The following DCT variants were observed in gnomAD, a reference collection of about 807,000 sequenced individuals.
DCT encodes the protein L-dopachrome tautomerase.
In DCT, 47 loss-of-function variants were observed where a neutral mutation model predicts 53.0. The observed-to-expected ratio is 0.89, with a 90% CI of 0.70 to 1.13. The LOEUF is 1.13. Ranked by LOEUF, DCT falls within the 50% of genes most tolerant of loss-of-function variation. DCT has a pLI of 0.00. For synonymous variants in DCT, 244 were observed against 237.0 expected, an observed-to-expected ratio of 1.03 and a Z score of -0.27; for missense variants, 669 against 637.4, an observed-to-expected ratio of 1.05 and a Z score of -0.53.
At chr13:94,509,177 A>C in the DCT span, among the ~76,000 whole-genome samples, 1 of 152,232 alleles carries the variant, frequency 6.6e-6, no homozygotes, top group Non-Finnish European at 1.5e-5. Flanking sequence ...TCAGTCTTTC[A>C]GAGCTGAGAG....
chr13:94,470,124 A>G (rs1184978128), intron 1 of DCT, among the ~76,000 whole-genome samples: 1 of 152,158 alleles, frequency 6.6e-6, no homozygotes, highest in Non-Finnish European at 1.5e-5. Context: ...AGAGAGAGAG[A>G]AAGAAAGAAA....
At chr13:94,478,788 G>C (rs1314090096) in intron 1 of DCT, among the ~76,000 whole-genome samples, 173 bp downstream of exon 1, 1 of 152,252 alleles carries the variant, frequency 6.6e-6, no homozygotes, top group Non-Finnish European at 1.5e-5. Flanking sequence ...TAGAGGGTGT[G>C]AAGAATAAAC....
At chr13:94,527,669 A>C in the DCT span, among the ~76,000 whole-genome samples, 3 of 152,242 alleles carry the variant, frequency 2.0e-5, no homozygotes, top group Non-Finnish European at 4.4e-5. Flanking sequence ...ATAAAAGCAC[A>C]AAGATGGGGA....
At chr13:94,503,791 A>G in the DCT span, among the ~76,000 whole-genome samples, 1 of 152,208 alleles carries the variant, frequency 6.6e-6, no homozygotes, top group Non-Finnish European at 1.5e-5. Context: ...AAGCCACTCA[A>G]TTTATGGTAA....
At chr13:94,471,526 G>A (rs1225398868) in intron 1 of DCT, among the ~76,000 whole-genome samples, 4 of 152,044 alleles carry the variant, frequency 2.6e-5, no homozygotes, top group South Asian at 2.1e-4. Context: ...TTTATGAAGC[G>A]GCTACTATCT....
the DCT span, among the ~76,000 whole-genome samples, chr13:94,544,196 T>C: frequency 6.6e-6 from 1 of 152,228 alleles, no homozygotes; most frequent in Non-Finnish European, 1.5e-5. Context: ...TTTTTATTTA[T>C]TTGTATTCAA....
chr13:94,463,794 A>C (rs1594302683), intron 4 of DCT, among the ~76,000 whole-genome samples: 2 of 152,320 alleles, frequency 1.3e-5, no homozygotes, highest in East Asian at 1.9e-4. Flanking sequence ...GAATATAATC[A>C]GCACATCCAC....
the DCT span, among the ~76,000 whole-genome samples, chr13:94,547,448 C>T: frequency 1.3e-5 from 2 of 151,940 alleles, no homozygotes; most frequent in African/African-American, 4.8e-5. Flanking sequence ...CTTTCACTCC[C>T]GCTGTAAAAC....
intron 4 of DCT, 184 bp downstream of exon 4, chr13:94,465,449 T>TC (rs1401291779): frequency 4.3e-5 from 18 of 417,094 alleles, no homozygotes; most frequent in Non-Finnish European, 7.5e-5. Context: ...TTTTGATATT[T>TC]TTTTTTTAAT....
At chr13:94,477,672 T>A (rs182429235) in intron 1 of DCT, among the ~76,000 whole-genome samples, 1 of 129,384 alleles carries the variant, frequency 7.7e-6, no homozygotes, top group African/African-American at 3.0e-5. Flanking sequence ...AAAAAAAAAA[T>A]CGAATGTCAT....
chr13:94,541,099 AGATAGAGAGTAGACT>A, the DCT span, among the ~76,000 whole-genome samples: 1 of 152,184 alleles, frequency 6.6e-6, no homozygotes, highest in Non-Finnish European at 1.5e-5. Context: ...GATGTTATGG[AGATAGAGAGTAGACT>A]GATGGTTTCC....
chr13:94,451,195 G>A (rs1883061180), intron 6 of DCT, among the ~76,000 whole-genome samples: 1 of 152,118 alleles, frequency 6.6e-6, no homozygotes, highest in Admixed American at 6.5e-5. Context: ...CTGTGTACCT[G>A]CTATTTAAAA....
At chr13:94,518,141 GGAAGGAAGGAAGGAAT>G in the DCT span, among the ~76,000 whole-genome samples, 30 of 131,914 alleles carry the variant, frequency 2.3e-4, no homozygotes, top group African/African-American at 8.9e-4. Flanking sequence ...AAGGAAGGAA[GGAAGGAAGGAAGGAAT>G]GAAGGAAGGA....
At chr13:94,491,148 C>T in the DCT span, among the ~76,000 whole-genome samples, 1 of 152,146 alleles carries the variant, frequency 6.6e-6, no homozygotes, top group Non-Finnish European at 1.5e-5. Flanking sequence ...CAGAGTAAAG[C>T]TTCCACAAAC....
the DCT span, among the ~76,000 whole-genome samples, chr13:94,506,911 A>C: frequency 2.0e-5 from 3 of 152,178 alleles, no homozygotes; most frequent in Admixed American, 1.3e-4. Context: ...CAATCTATTA[A>C]TATTTATTTT....
chr13:94,507,314 T>G, the DCT span, among the ~76,000 whole-genome samples: 1 of 152,152 alleles, frequency 6.6e-6, no homozygotes, highest in Non-Finnish European at 1.5e-5. Flanking sequence ...TTTGGAACTT[T>G]TCTACAAGTC....
At chr13:94,491,059 G>A in the DCT span, among the ~76,000 whole-genome samples, 4 of 152,130 alleles carry the variant, frequency 2.6e-5, no homozygotes, top group South Asian at 2.1e-4. Flanking sequence ...ACCGAAGACC[G>A]GAAAGAATAC....
chr13:94,472,638 G>A (rs1465015107), intron 1 of DCT, among the ~76,000 whole-genome samples: 1 of 129,558 alleles, frequency 7.7e-6, no homozygotes, highest in Non-Finnish European at 1.5e-5. Flanking sequence ...CTGGAGTGCA[G>A]TGACGTGATC....
chr13:94,444,255 T>C (rs1882567261), intron 6 of DCT: 1 of 289,326 alleles, frequency 3.5e-6, no homozygotes, highest in South Asian at 3.3e-5. Flanking sequence ...TATTCCGAAA[T>C]CTGAAAAAAT....
Sources: allele counts gnomAD v4.1 joint callset (sites outside exome capture counted in the v4.1 genomes callset), GRCh38; gene constraint gnomAD v4.1.1; transcripts MANE v1.5; gene names NCBI Gene and HGNC (gene_info 2026-07-23, HGNC 2026-07-21).